Variants in MGA observed in about 807,000 individuals in gnomAD.
The protein encoded by MGA is MAX dimerization protein MGA.
A neutral mutation model predicts 261.1 loss-of-function variants in MGA; 40 were observed. The observed-to-expected ratio is 0.15, with a 90% CI of 0.12 to 0.20. MGA has a LOEUF of 0.20. MGA is among the 10% of genes least tolerant of loss of function. The probability of loss-of-function intolerance (pLI) is 1.00; values close to 1 mark genes in which losing one functional copy is unlikely to be tolerated. For missense variants in MGA, 3,397 were observed against 3,630.5 expected (o/e 0.94, Z 1.65); for synonymous variants, 1,302 against 1,290.6 (o/e 1.01, Z -0.19).
chr15:41,659,547 G>T (rs1412874575), upstream of MGA, among the ~76,000 whole-genome samples: 6 of 152,226 alleles, frequency 3.9e-5, no homozygotes, highest in Non-Finnish European at 7.3e-5. Flanking sequence ...CAGCTGGTAA[G>T]GAGTAGAGAA....
chr15:41,769,761 A>G lies in MGA; in HGVS notation c.*2481A>G, dbSNP rs2063957737. The G allele has an allele frequency of 6.6e-6, 1 of 152,628 alleles. No homozygotes were observed. The highest frequency in any genetic ancestry group is 1.5e-5 in the Non-Finnish European group (1 of 68,038). The allele number at this position is 152,628 out of a possible 1,614,324, so 9.5% of individuals were successfully genotyped here. ...TTTTATACATCTGTAAATAAATGGA[A>G]TGTTTTTAAGAATATAATTATGTCA... On this transcript the variant is annotated 3_prime_UTR_variant, in exon 24 of 24. Transcript: ENST00000219905.
chr15:41,657,458 A>T (rs769132411), upstream of MGA, among the ~76,000 whole-genome samples: 4 of 147,090 alleles, frequency 2.7e-5, no homozygotes, highest in Non-Finnish European at 5.9e-5. Flanking sequence ...TGTTCAAGCA[A>T]TTCCCTTGCC....
At chr15:41,625,862 A>AT (rs1163974966) in intron 1 of MGA, among the ~76,000 whole-genome samples, 1 of 152,200 alleles carries the variant, frequency 6.6e-6, no homozygotes, top group Non-Finnish European at 1.5e-5. Context: ...ATGTGATCAC[A>AT]TTTTTGTAGA....
intron 22 of MGA, among the ~76,000 whole-genome samples, chr15:41,763,612 T>A (rs1197768): frequency 6.6e-6 from 1 of 151,562 alleles, no homozygotes; most frequent in Non-Finnish European, 1.5e-5. Flanking sequence ...GTGTGGTGGC[T>A]CATGCCTGTA....
chr15:41,645,742 A>G (rs1036032202), intron 1 of MGA, among the ~76,000 whole-genome samples: 1 of 152,214 alleles, frequency 6.6e-6, no homozygotes. Context: ...GTGCAAGTAT[A>G]AAATGCTGAA....
At chr15:41,754,970 A>T (rs1384051545) in intron 18 of MGA, among the ~76,000 whole-genome samples, 4 of 152,210 alleles carry the variant, frequency 2.6e-5, no homozygotes, top group Admixed American at 2.6e-4. Flanking sequence ...TAAGTGGACT[A>T]CTCAACAAAG....
intron 1 of MGA, among the ~76,000 whole-genome samples, chr15:41,638,616 C>T (rs1017513785): frequency 1.3e-5 from 2 of 151,780 alleles, no homozygotes; most frequent in Admixed American, 1.3e-4. Flanking sequence ...TTAAGTTATC[C>T]TCCAACCTTG....
intron 13 of MGA, among the ~76,000 whole-genome samples, chr15:41,737,849 G>A (rs1031579092): frequency 7.9e-5 from 12 of 151,844 alleles, no homozygotes; most frequent in African/African-American, 1.9e-4. Flanking sequence ...GCGTGGTGGC[G>A]CGCGCCTGTA....
chr15:41,652,973 C>T (rs990871230), intron 1 of MGA, among the ~76,000 whole-genome samples: 6 of 152,140 alleles, frequency 3.9e-5, no homozygotes, highest in Admixed American at 3.9e-4. Context: ...TCTGTATAAT[C>T]GCTACAATTT....
intron 19 of MGA, among the ~76,000 whole-genome samples, chr15:41,759,889 G>T (rs1294347168): frequency 1.3e-5 from 2 of 152,154 alleles, no homozygotes; most frequent in Non-Finnish European, 2.9e-5. Context: ...GGAATGGTTG[G>T]AGAGAAAGGT....
Position 41,631,376 on chromosome 15 carries a change from C to T in MGA, c.-68+10078C>T, listed in dbSNP as rs371925714. Among the ~76,000 whole-genome samples, 14 of 152,116 alleles carry T rather than the reference C, an allele frequency of 9.2e-5. No homozygotes were observed. The South Asian group carries it at 1.7e-3, about 18-fold the overall frequency. Reference sequence around the variant, plus strand: ...GTTGCATCCAAGCATTTTTTCATTTCATGTCTATAAAGAAAGTACATAGGC... The same window carrying T: ...GTTGCATCCAAGCATTTTTTCATTTTATGTCTATAAAGAAAGTACATAGGC... On this transcript the variant is annotated intron_variant, in intron 1 of 8. Transcript: ENST00000566718.
At chr15:41,726,656 G>T (rs1284687029) in intron 9 of MGA, among the ~76,000 whole-genome samples, 2 of 151,780 alleles carry the variant, frequency 1.3e-5, no homozygotes, top group Non-Finnish European at 2.9e-5. Context: ...CTGAACATGG[G>T]AGGCAGAGGT....
chr15:41,693,037 C>T (rs562285005), intron 2 of MGA, among the ~76,000 whole-genome samples: 1 of 152,222 alleles, frequency 6.6e-6, no homozygotes, highest in Admixed American at 6.5e-5. Flanking sequence ...GAGGTTTCAC[C>T]ATGTTGCCCC....
intron 15 of MGA, among the ~76,000 whole-genome samples, chr15:41,746,613 G>A (rs1049758494): frequency 4.7e-5 from 7 of 147,834 alleles, no homozygotes; most frequent in Non-Finnish European, 8.9e-5. Flanking sequence ...TTATTTTCAT[G>A]AACAGTTTGG....
chr15:41,676,062 A>G (rs1175160357), intron 2 of MGA, among the ~76,000 whole-genome samples: 2 of 152,214 alleles, frequency 1.3e-5, no homozygotes, highest in African/African-American at 2.4e-5. Context: ...CTGTTTGGTT[A>G]GTTGATTGCA....
At chr15:41,645,476 C>T (rs776601675) in intron 1 of MGA, among the ~76,000 whole-genome samples, 6 of 152,108 alleles carry the variant, frequency 3.9e-5, no homozygotes, top group Admixed American at 2.0e-4. Flanking sequence ...CCCAGTTACT[C>T]GGGAGACTGA....
intron 17 of MGA, chr15:41,750,865 G>T: frequency 5.5e-6 from 2 of 366,294 alleles, no homozygotes; most frequent in Non-Finnish European, 4.9e-6. Flanking sequence ...ATAGGTGCTT[G>T]AGAGTCCCTA....
At chr15:41,648,276 C>A (rs926079243) in intron 1 of MGA, among the ~76,000 whole-genome samples, 1 of 152,186 alleles carries the variant, frequency 6.6e-6, no homozygotes, top group Non-Finnish European at 1.5e-5. Flanking sequence ...CAAGTTTTGA[C>A]TCCTTACTGC....
rs2063888574 is a variant in MGA at position 41,768,109 on chromosome 15, G to A, written c.*829G>A. 1 of 152,528 alleles carries A rather than the reference G, an allele frequency of 6.6e-6. No individual in the cohort carries two copies. Among genetic ancestry groups the A allele is most frequent in the Non-Finnish European group, 1.5e-5 (1 of 68,020 alleles). The allele number at this position is 152,528 out of a possible 1,614,324, so 9.4% of individuals were successfully genotyped here. On this transcript the variant is annotated 3_prime_UTR_variant, in exon 24 of 24. Coordinates refer to ENST00000219905, the MANE Select transcript of MGA (RefSeq NM_001164273.2). ...ACTCAAGAGACAGCTAAAATAAAATGCATTATCTCCCCAGACCAGAGACAG... is the reference window on the plus strand; with the variant it reads ...ACTCAAGAGACAGCTAAAATAAAATACATTATCTCCCCAGACCAGAGACAG...
Sources: gnomAD v4.1 joint callset for allele counts (sites outside exome capture counted in the v4.1 genomes callset) on GRCh38, gnomAD v4.1.1 for gene constraint, MANE v1.5 for transcripts, NCBI Gene and HGNC (gene_info 2026-07-23, HGNC 2026-07-21) for gene names.